COL4A4: variants seen among roughly 807,000 people sequenced by gnomAD.
COL4A4 encodes the protein collagen alpha-4(IV) chain.
In COL4A4, 105 loss-of-function variants were observed where a neutral mutation model predicts 192.9. The ratio of observed to expected loss-of-function variants is 0.54; its 90% CI spans 0.46 to 0.64. The LOEUF (loss-of-function observed/expected upper bound fraction) is 0.64. Ranked by LOEUF, COL4A4 falls within the 30% of genes least tolerant of loss-of-function variation. COL4A4 has a pLI of 0.00. For missense variants in COL4A4, 1,967 were observed against 2,169.3 expected (o/e 0.91, Z 1.85); for synonymous variants, 762 against 769.9 (o/e 0.99, Z 0.17).
intron 24 of COL4A4, among the ~76,000 whole-genome samples, chr2:227,079,358 A>C (rs745846701): frequency 1.3e-5 from 2 of 152,226 alleles, no homozygotes; most frequent in African/African-American, 2.4e-5. Context: ...CATTATGACA[A>C]TATCCACTCA....
intron 18 of COL4A4, 52 bp downstream of exon 18, chr2:227,099,568 C>T (rs1250416095): frequency 2.6e-6 from 4 of 1,553,992 alleles, no homozygotes; most frequent in Non-Finnish European, 2.7e-6. Context: ...GTCCTGGCCA[C>T]TCAACTCCTA....
At chr2:227,121,879 T>A (rs1029479682) in intron 4 of COL4A4, among the ~76,000 whole-genome samples, 1 of 152,136 alleles carries the variant, frequency 6.6e-6, no homozygotes, top group Non-Finnish European at 1.5e-5. Flanking sequence ...AACTAAAAAA[T>A]CAAAGTTTTA....
chr2:227,147,289 C>G, intron 2 of COL4A4, 124 bp downstream of exon 2: 1 of 901,868 alleles, frequency 1.1e-6, no homozygotes, highest in South Asian at 1.3e-5. Context: ...GCAGACATAC[C>G]CTTAGCTTTC....
rs5839193 is a variant in COL4A4 at position 227,156,395 on chromosome 2, T to TAA, written c.-102+7610_-102+7611dup. ...CTAGGTGACACAGTGAAACCCCGTCTAAAAAAAAAAAAAAAGTGAAAACCA... is the reference window on the plus strand; with the variant it reads ...CTAGGTGACACAGTGAAACCCCGTCTAAAAAAAAAAAAAAAAAGTGAAAACCA... On this transcript the variant is annotated intron_variant, in intron 1 of 47. Coordinates refer to ENST00000396625, the MANE Select transcript of COL4A4 (RefSeq NM_000092.5). 7.2e-3 allele frequency among the ~76,000 whole-genome samples: 978 copies of TAA among 135,094 alleles called. 11 individuals carry two copies. Among genetic ancestry groups the TAA allele is most frequent in the African/African-American group, 0.02 (730 of 35,996 alleles). 88.6% of individuals were successfully genotyped at this position (135,094 alleles called of 152,430 possible).
intron 44 of COL4A4, among the ~76,000 whole-genome samples, chr2:227,014,493 G>T (rs1964465073): frequency 6.6e-6 from 1 of 152,110 alleles, no homozygotes; most frequent in African/African-American, 2.4e-5. Context: ...TTCTACTCAG[G>T]GAATTTAGTT....
At chr2:226,996,172 A>C in the COL4A4 span, 1 of 152,746 alleles carries the variant, frequency 6.5e-6, no homozygotes, top group African/African-American at 2.4e-5. Flanking sequence ...AGACTCCTAC[A>C]CACACCATTA....
chr2:227,011,967 T>C (rs1008435763), intron 45 of COL4A4, among the ~76,000 whole-genome samples: 1 of 152,210 alleles, frequency 6.6e-6, no homozygotes, highest in South Asian at 2.1e-4. Context: ...CAGGGCCTTG[T>C]CTAGGTTTTA....
At chr2:227,078,691 T>C (rs2059165683) in intron 24 of COL4A4, among the ~76,000 whole-genome samples, 1 of 152,164 alleles carries the variant, frequency 6.6e-6, no homozygotes, top group Non-Finnish European at 1.5e-5. Flanking sequence ...AATATAGAAA[T>C]AAGTAGATCA....
In COL4A4 at chr2:227,003,468, C is replaced by G. The variant is rs1961450039; in HGVS notation, c.*3857G>C. On this transcript the variant is annotated 3_prime_UTR_variant, in exon 48 of 48. Coordinates refer to ENST00000396625, the MANE Select transcript of COL4A4 (RefSeq NM_000092.5). ...TGGGTTCGACCAACTCTCAAGTCCTCTTCTTTCCACTATTCTTGCAGCCAT... is the reference window on the plus strand; with the variant it reads ...TGGGTTCGACCAACTCTCAAGTCCTGTTCTTTCCACTATTCTTGCAGCCAT... The G allele has an allele frequency of 2.0e-5, 3 of 152,192 alleles. No individual in the cohort carries two copies. The highest frequency in any genetic ancestry group is 7.2e-5 in the African/African-American group (3 of 41,442). 9.4% of individuals were successfully genotyped at this position (152,192 alleles called of 1,614,324 possible). A position where few individuals can be genotyped will look rare whatever the true frequency, so the allele number is the denominator to read the frequency against.
chr2:227,035,484 G>A (rs1183963398), intron 37 of COL4A4, among the ~76,000 whole-genome samples: 6 of 148,322 alleles, frequency 4.0e-5, no homozygotes, highest in African/African-American at 1.5e-4. Context: ...ATTCTTTTAA[G>A]ATCTAGGATT....
chr2:227,099,831 A>G (rs2060408319), intron 17 of COL4A4, 142 bp from the exon 18 acceptor site: 5 of 751,904 alleles, frequency 6.6e-6, no homozygotes, highest in East Asian at 2.7e-5. Context: ...TGAAGCATCC[A>G]TGGAGTCTTA....
chr2:227,104,552 A>T (rs1189485384), intron 12 of COL4A4, among the ~76,000 whole-genome samples: 2 of 147,058 alleles, frequency 1.4e-5, no homozygotes, highest in Non-Finnish European at 3.0e-5. Flanking sequence ...ACTGCACTCC[A>T]GCCTGGGCGA....
chr2:227,019,313 G>A (rs760982009), intron 44 of COL4A4, among the ~76,000 whole-genome samples: 28 of 152,178 alleles, frequency 1.8e-4, no homozygotes, highest in Non-Finnish European at 3.2e-4. Context: ...ATAACAGGGC[G>A]TCTCAAATTT....
chr2:227,122,420 T>C (rs1431408833), intron 4 of COL4A4, among the ~76,000 whole-genome samples: 2 of 152,224 alleles, frequency 1.3e-5, no homozygotes, highest in African/African-American at 2.4e-5. Context: ...CAAGTAAGTC[T>C]TGATGTATGG....
chr2:226,992,221 A>T, the COL4A4 span, among the ~76,000 whole-genome samples: 1 of 152,234 alleles, frequency 6.6e-6, no homozygotes, highest in African/African-American at 2.4e-5. Flanking sequence ...ACAGCCAGGA[A>T]GCCTTGTGCC....
Position 227,004,398 on chromosome 2 carries a change from A to T in COL4A4, c.*2927T>A, listed in dbSNP as rs1384252847. On this transcript the variant is annotated 3_prime_UTR_variant, in exon 48 of 48. Transcript: ENST00000396625. ...TGCACACAGTTCATCATGACAGGAA[A>T]TACTCCTAGAGGGAACCCTCGAACA... 6 of 152,228 alleles carry T rather than the reference A, an allele frequency of 3.9e-5. No homozygotes were observed. The highest frequency in any genetic ancestry group is 3.9e-4 in the Admixed American group (6 of 15,286). The allele number at this position is 152,228 out of a possible 1,614,324, so 9.4% of individuals were successfully genotyped here. A position where few individuals can be genotyped will look rare whatever the true frequency, so the allele number is the denominator to read the frequency against.
intron 17 of COL4A4, among the ~76,000 whole-genome samples, chr2:227,101,044 A>G (rs965238158): frequency 4.6e-5 from 7 of 152,090 alleles, no homozygotes; most frequent in East Asian, 1.9e-4. Context: ...TCCTGACCTC[A>G]TGATCTGCCC....
intron 1 of COL4A4, among the ~76,000 whole-genome samples, chr2:227,154,233 T>A (rs1039163852): frequency 6.6e-6 from 1 of 152,198 alleles, no homozygotes; most frequent in Non-Finnish European, 1.5e-5. Context: ...GGACTCCAAT[T>A]CCCCTGGGAC....
chr2:227,113,425 A>C (rs2061329394), intron 8 of COL4A4, among the ~76,000 whole-genome samples: 1 of 152,238 alleles, frequency 6.6e-6, no homozygotes. Flanking sequence ...AATTACAAAA[A>C]AATGCTCACT....
Sources: allele counts gnomAD v4.1 joint callset (sites outside exome capture counted in the v4.1 genomes callset), GRCh38; gene constraint gnomAD v4.1.1; transcripts MANE v1.5; gene names NCBI Gene and HGNC (gene_info 2026-07-23, HGNC 2026-07-21).